The following DEUP1 variants were observed in gnomAD, a reference collection of about 807,000 sequenced individuals.
DEUP1 encodes the protein deuterosome assembly protein 1.
A neutral mutation model predicts 87.4 loss-of-function variants in DEUP1; 82 were observed. The observed-to-expected ratio is 0.94, with a 90% CI of 0.78 to 1.13. DEUP1 has a LOEUF of 1.13. DEUP1 is among the 50% of genes most tolerant of loss of function. DEUP1 has a pLI of 0.00. For missense variants in DEUP1, 663 were observed against 681.5 expected (o/e 0.97, Z 0.30); for synonymous variants, 214 against 222.7 (o/e 0.96, Z 0.35).
chr11:93,353,351 C>G (rs932792331), intron 2 of DEUP1, among the ~76,000 whole-genome samples: 1 of 152,206 alleles, frequency 6.6e-6, no homozygotes, highest in African/African-American at 2.4e-5. Flanking sequence ...TGTGGCTTTG[C>G]AGGGCACAGC....
At chr11:93,416,868 G>C (rs1385307535) in intron 13 of DEUP1, among the ~76,000 whole-genome samples, 2 of 151,974 alleles carry the variant, frequency 1.3e-5, no homozygotes, top group African/African-American at 4.8e-5. Flanking sequence ...TGCAAGGCTG[G>C]TTCAATATAC....
At chr11:93,430,723 A>G (rs1208978209) in intron 13 of DEUP1, among the ~76,000 whole-genome samples, 1 of 152,234 alleles carries the variant, frequency 6.6e-6, no homozygotes, top group South Asian at 2.1e-4. Context: ...TCATTTTGAA[A>G]TGGTTAATTG....
chr11:93,353,145 G>A (rs1591114032), intron 2 of DEUP1, among the ~76,000 whole-genome samples: 1 of 152,180 alleles, frequency 6.6e-6, no homozygotes, highest in Non-Finnish European at 1.5e-5. Context: ...AGGGGTACAG[G>A]TATTGGGTAA....
chr11:93,418,601 AACCATT>A (rs1455480251), intron 13 of DEUP1, among the ~76,000 whole-genome samples: 2 of 151,766 alleles, frequency 1.3e-5, no homozygotes, highest in Non-Finnish European at 2.9e-5. Context: ...AAACTAGTTC[AACCATT>A]GTGGAAGTCA....
intron 2 of DEUP1, among the ~76,000 whole-genome samples, chr11:93,347,816 T>A (rs548374746): frequency 8.2e-4 from 125 of 152,256 alleles, no homozygotes; most frequent in Middle Eastern, 3.4e-3. Flanking sequence ...CTCAGCTCAC[T>A]GCAAGCTCTG....
chr11:93,361,597 T>C lies in DEUP1; in HGVS notation c.298-2563T>C, dbSNP rs115547378. Among the ~76,000 whole-genome samples the C allele has an allele frequency of 4.6e-3, 706 of 152,134 alleles. 4 individuals carry two copies. Among genetic ancestry groups the C allele is most frequent in the African/African-American group, 0.016 (674 of 41,534 alleles). ...ACTGTGATAAATTATGTAAATATAG[T>C]GTAATACCTACAGCAACCACTAAAA... is the stretch of plus-strand genomic sequence containing the variant. On this transcript the variant is annotated intron_variant, in intron 4 of 13. Coordinates refer to ENST00000298050, the MANE Select transcript of DEUP1 (RefSeq NM_181645.4).
chr11:93,387,548 C>A (rs1946618809), intron 8 of DEUP1, among the ~76,000 whole-genome samples: 1 of 151,984 alleles, frequency 6.6e-6, no homozygotes, highest in Non-Finnish European at 1.5e-5. Flanking sequence ...TTCCCTTATA[C>A]ATGTACATTA....
chr11:93,343,662 G>A (rs560106972), intron 2 of DEUP1, among the ~76,000 whole-genome samples: 1 of 152,250 alleles, frequency 6.6e-6, no homozygotes, highest in East Asian at 1.9e-4. Flanking sequence ...TATTTTAACA[G>A]ATCTTCTGCT....
At chr11:93,353,683 G>T (rs1460559591) in intron 2 of DEUP1, among the ~76,000 whole-genome samples, 1 of 152,230 alleles carries the variant, frequency 6.6e-6, no homozygotes, top group Non-Finnish European at 1.5e-5. Context: ...GCACCTGAAG[G>T]TTCAACAACA....
intron 3 of DEUP1, 80 bp downstream of exon 3, chr11:93,355,622 T>C: frequency 7.8e-7 from 1 of 1,277,888 alleles, no homozygotes; most frequent in Non-Finnish European, 1.1e-6. Flanking sequence ...GTTTTTATTA[T>C]ACATACTTTT....
At chr11:93,386,218 G>A (rs190022861) in intron 8 of DEUP1, among the ~76,000 whole-genome samples, 5 of 151,968 alleles carry the variant, frequency 3.3e-5, no homozygotes, top group Non-Finnish European at 5.9e-5. Context: ...CACCAAACTC[G>A]CCATCTTGTC....
At chr11:93,356,881 T>C (rs755505369) in intron 3 of DEUP1, 67 bp from the exon 4 acceptor site, 26 of 942,746 alleles carry the variant, frequency 2.8e-5, no homozygotes, top group Non-Finnish European at 4.3e-5. Context: ...TCTTCTCTTT[T>C]GCACATTTTC....
At chr11:93,400,957 G>A (rs778614770) in intron 11 of DEUP1, among the ~76,000 whole-genome samples, 31 of 152,016 alleles carry the variant, frequency 2.0e-4, no homozygotes, top group African/African-American at 4.1e-4. Context: ...GCAATTAGGC[G>A]AGAGAAAGAC....
At chr11:93,408,491 A>G in intron 12 of DEUP1, 64 bp downstream of exon 12, 9 of 1,082,866 alleles carry the variant, frequency 8.3e-6, no homozygotes, top group African/African-American at 8.0e-5. Flanking sequence ...TTATTTTTAA[A>G]GAATTCAAAT....
In DEUP1 at chr11:93,394,628, TA is replaced by T; in HGVS notation, c.1215del (p.Glu406LysfsTer4). 6.2e-7 allele frequency: 1 copy of T among 1,610,496 alleles called. No homozygotes were observed. Among genetic ancestry groups the T allele is most frequent in the Non-Finnish European group, 8.5e-7 (1 of 1,178,894 alleles). ...AAACAGTTAAAAATGGAATTAGAAA[TA>T]AAAGAAAAAATGTTAGCAAAACAAA... is the stretch of plus-strand genomic sequence containing the variant. ...LEKQLKMELE[I>X]KEKMLAKQKV... On this transcript the variant is annotated frameshift_variant, in exon 10 of 14. Coordinates refer to ENST00000298050, the MANE Select transcript of DEUP1 (RefSeq NM_181645.4). LOFTEE classifies it high-confidence loss of function.
intron 10 of DEUP1, 52 bp downstream of exon 10, chr11:93,394,708 C>A: frequency 1.7e-6 from 2 of 1,169,938 alleles, no homozygotes; most frequent in Non-Finnish European, 2.4e-6. Flanking sequence ...TTGCTCAGTG[C>A]CAATAGTAGC....
chr11:93,380,657 C>A (rs1946263878), intron 7 of DEUP1, among the ~76,000 whole-genome samples: 1 of 152,114 alleles, frequency 6.6e-6, no homozygotes, highest in Non-Finnish European at 1.5e-5. Flanking sequence ...CCCACCTTGG[C>A]CTCCCAAAGT....
rs760769205 is a variant in DEUP1, at chr11:93,437,567, G to A, written c.1663G>A (p.Ala555Thr). The change falls in exon 14 of 14, where the codon GCA becomes ACA. Residue 555 changes from alanine to threonine, a missense_variant. Coordinates refer to ENST00000298050, the MANE Select transcript of DEUP1 (RefSeq NM_181645.4). Reference protein sequence around the residue: ...PLSPPDMSFPASLAAQHFLLE... With the variant: ...PLSPPDMSFPTSLAAQHFLLE... ...GTCTCCCCCAGATATGTCCTTCCCA[G>A]CATCTTTGGCTGCACAGCATTTCCT... The A allele has an allele frequency of 6.2e-6, 10 of 1,613,016 alleles. No homozygotes were observed. The highest frequency in any genetic ancestry group is 8.5e-7 in the Non-Finnish European group (1 of 1,179,396).
At chr11:93,348,976 T>C (rs970289810) in intron 2 of DEUP1, among the ~76,000 whole-genome samples, 8 of 152,146 alleles carry the variant, frequency 5.3e-5, no homozygotes, top group Admixed American at 4.6e-4. Flanking sequence ...TATTCTCTGA[T>C]AGAAACAGGA....
Sources: allele counts gnomAD v4.1 joint callset (sites outside exome capture counted in the v4.1 genomes callset), GRCh38; gene constraint gnomAD v4.1.1; transcripts MANE v1.5; gene names NCBI Gene and HGNC (gene_info 2026-07-23, HGNC 2026-07-21).